Variants in CAP2 observed in about 807,000 individuals in gnomAD.
CAP2 encodes adenylyl cyclase-associated protein 2.
A neutral mutation model predicts 57.7 loss-of-function variants in CAP2; 24 were observed. The ratio of observed to expected loss-of-function variants is 0.42; its 90% confidence interval spans 0.30 to 0.58. The LOEUF is 0.58. Among genes scored for constraint, CAP2 ranks in the 20% least tolerant of loss-of-function variants. CAP2 has a pLI of 0.22. For synonymous variants in CAP2, 194 were observed against 207.2 expected (o/e 0.94, Z 0.55); for missense variants, 501 against 590.3 (o/e 0.85, Z 1.57).
At chr6:17,525,330 A>G (rs1203981634) in intron 7 of CAP2, among the ~76,000 whole-genome samples, 1 of 152,144 alleles carries the variant, frequency 6.6e-6, no homozygotes, top group Admixed American at 6.6e-5. Context: ...AAAGCTCTCT[A>G]AAATAAGGGC....
At chr6:17,406,868 A>G (rs1056787551) in intron 1 of CAP2, among the ~76,000 whole-genome samples, 10 of 152,248 alleles carry the variant, frequency 6.6e-5, no homozygotes, top group African/African-American at 2.2e-4. Flanking sequence ...CTGGCCAAAA[A>G]GAGGAGCTTC....
intron 7 of CAP2, among the ~76,000 whole-genome samples, chr6:17,520,133 A>G (rs1762358154): frequency 6.6e-6 from 1 of 151,986 alleles, no homozygotes; most frequent in Non-Finnish European, 1.5e-5. Context: ...TTTGATACAG[A>G]GTTTCGCTCT....
intron 7 of CAP2, among the ~76,000 whole-genome samples, chr6:17,523,681 G>A (rs2113678507): frequency 6.6e-6 from 1 of 152,340 alleles, no homozygotes; most frequent in East Asian, 1.9e-4. Flanking sequence ...ACCAACTGTA[G>A]TAAGCTGTGG....
chr6:17,412,771 G>C (rs1409142373), intron 1 of CAP2, among the ~76,000 whole-genome samples: 1 of 151,076 alleles, frequency 6.6e-6, no homozygotes, highest in Non-Finnish European at 1.5e-5. Context: ...GGCAAATTAG[G>C]GATGGTTCTG....
At position 17,513,947 on chromosome 6, in the gene CAP2, G is replaced by A. The variant is rs746610053; in HGVS notation, c.629G>A (p.Ser210Asn). The change falls in exon 7 of 13, where the codon AGC (serine) becomes AAC (asparagine). Residue 210 changes from serine (S) to asparagine (N), a missense_variant. Ser to Asn is a conservative substitution (Grantham distance 46). Transcript: ENST00000229922. The surrounding 1 kb of genome is among the most constrained non-coding windows in gnomAD (Gnocchi z 4.3). Reference sequence around the variant, plus strand: ...CACCACACCACGGGCCTCACATGGAGCAAAACAGTGAGTACGAGGCCTTCC... The same window carrying A: ...CACCACACCACGGGCCTCACATGGAACAAAACAGTGAGTACGAGGCCTTCC... ...KEHHTTGLTW[S>N]KTGPVASTVS... 4 of 1,599,262 alleles carry A rather than the reference G, an allele frequency of 2.5e-6. No individual in the cohort carries two copies. The African/African-American group carries it at 5.4e-5, about 21-fold the overall frequency.
chr6:17,471,603 C>T (rs183677994), intron 4 of CAP2, among the ~76,000 whole-genome samples: 5 of 152,142 alleles, frequency 3.3e-5, no homozygotes, highest in South Asian at 2.1e-4. Flanking sequence ...GAGTCCGAGG[C>T]GGGCGGATCG....
At chr6:17,468,204 C>T (rs545295425) in intron 4 of CAP2, among the ~76,000 whole-genome samples, 1 of 152,112 alleles carries the variant, frequency 6.6e-6, no homozygotes, top group African/African-American at 2.4e-5. Flanking sequence ...ACCCTTCCAT[C>T]TATCCTGGCA....
At chr6:17,432,312 T>C (rs189195634) in intron 3 of CAP2, among the ~76,000 whole-genome samples, 2 of 152,208 alleles carry the variant, frequency 1.3e-5, no homozygotes, top group African/African-American at 4.8e-5. Flanking sequence ...CTATCCAGGA[T>C]CCCCATCCCA....
At chr6:17,525,183 A>G (rs961882417) in intron 7 of CAP2, among the ~76,000 whole-genome samples, 1 of 151,956 alleles carries the variant, frequency 6.6e-6, no homozygotes, top group Non-Finnish European at 1.5e-5. Flanking sequence ...GATTACAGGC[A>G]TGAGCCACCA....
At chr6:17,465,525 C>A (rs1419451690) in intron 4 of CAP2, among the ~76,000 whole-genome samples, 2 of 152,194 alleles carry the variant, frequency 1.3e-5, no homozygotes, top group South Asian at 4.1e-4. Context: ...CTTCTCTCTA[C>A]TTCCCTTTCC....
intron 7 of CAP2, among the ~76,000 whole-genome samples, chr6:17,530,551 A>G (rs1159017745): frequency 1.3e-5 from 2 of 152,152 alleles, no homozygotes; most frequent in African/African-American, 4.8e-5. Flanking sequence ...GTTTGTGTCC[A>G]TGAAGGACAG....
At chr6:17,411,224 T>C (rs1252378887) in intron 1 of CAP2, among the ~76,000 whole-genome samples, 6 of 152,214 alleles carry the variant, frequency 3.9e-5, no homozygotes, top group Non-Finnish European at 8.8e-5. Context: ...ATTGTTTCCA[T>C]TTTTTGGCTA....
intron 4 of CAP2, among the ~76,000 whole-genome samples, chr6:17,464,686 C>A (rs914267952): frequency 2.8e-4 from 42 of 152,172 alleles, no homozygotes; most frequent in Non-Finnish European, 5.3e-4. Flanking sequence ...CCTCCCTCCA[C>A]GTGAAAGGAG....
At chr6:17,519,507 T>C (rs903587943) in intron 7 of CAP2, among the ~76,000 whole-genome samples, 6 of 152,206 alleles carry the variant, frequency 3.9e-5, no homozygotes, top group African/African-American at 1.4e-4. Context: ...CACCAGAAAC[T>C]AACTTGCTGT....
chr6:17,459,078 G>GA (rs1291201145), intron 3 of CAP2, among the ~76,000 whole-genome samples: 2 of 152,074 alleles, frequency 1.3e-5, no homozygotes, highest in Non-Finnish European at 2.9e-5. Flanking sequence ...TATGAAGCAA[G>GA]AAAAAAACAC....
At chr6:17,499,170 G>A (rs542002694) in intron 4 of CAP2, among the ~76,000 whole-genome samples, 2 of 151,420 alleles carry the variant, frequency 1.3e-5, no homozygotes, top group African/African-American at 2.4e-5. Context: ...AGGCTGAACC[G>A]GGCAGATCAT....
Position 17,543,105 on chromosome 6 carries a change from A to G in CAP2, c.1171A>G (p.Ile391Val). The G allele has an allele frequency of 6.2e-7, 1 of 1,614,154 alleles. No individual in the cohort carries two copies. Among genetic ancestry groups the G allele is most frequent in the South Asian group, 1.1e-5 (1 of 91,086 alleles). Reference sequence around the variant, plus strand: ...CCTGGTGTTTGACAATGTGGTGGGCATTGTGGAAGTGATCAACTCCCAGGA... The same window carrying G: ...CCTGGTGTTTGACAATGTGGTGGGCGTTGTGGAAGTGATCAACTCCCAGGA... The part of the protein sequence containing the change: ...LGLVFDNVVG[I>V]VEVINSQDIQ... The change falls in exon 11 of 13, where the codon ATT becomes GTT. Residue 391 changes from isoleucine (I) to valine (V), a missense_variant. Physicochemically the swap from Ile to Val is conservative, Grantham distance 29. Transcript: ENST00000229922.
chr6:17,443,568 C>CACACAG (rs1388108005), intron 3 of CAP2, among the ~76,000 whole-genome samples: 2 of 100,456 alleles, frequency 2.0e-5, no homozygotes, highest in Admixed American at 1.9e-4. Flanking sequence ...TCCCACAAAA[C>CACACAG]ACACAGACAC....
intron 3 of CAP2, among the ~76,000 whole-genome samples, chr6:17,457,175 C>T (rs1760592769): frequency 6.6e-6 from 1 of 152,230 alleles, no homozygotes; most frequent in Non-Finnish European, 1.5e-5. Context: ...TTATCCCTTT[C>T]CTCTCTGCAC....
Sources: allele counts gnomAD v4.1 joint callset (sites outside exome capture counted in the v4.1 genomes callset), GRCh38; gene constraint gnomAD v4.1.1; non-coding constraint Gnocchi (gnomAD v3.1); transcripts MANE v1.5; gene names NCBI Gene and HGNC (gene_info 2026-07-23, HGNC 2026-07-21).